CDH18: variants seen among roughly 807,000 people sequenced by gnomAD.
The protein encoded by CDH18 is cadherin-18.
In CDH18, 31 loss-of-function variants were observed where a neutral mutation model predicts 67.9. That is an observed-to-expected ratio of 0.46 (90% confidence interval 0.34 to 0.62). The LOEUF (loss-of-function observed/expected upper bound fraction) is 0.62, where lower values mean the gene tolerates loss of function less well. Ranked by LOEUF, CDH18 falls within the 20% of genes least tolerant of loss-of-function variation. CDH18 has a pLI of 0.01. For missense variants in CDH18, 890 were observed against 975.5 expected (o/e 0.91, Z 1.17); for synonymous variants, 362 against 347.2 (o/e 1.04, Z -0.48).
chr5:20,284,828 T>C (rs1580666358), intron 1 of CDH18, among the ~76,000 whole-genome samples: 1 of 151,890 alleles, frequency 6.6e-6, no homozygotes, highest in South Asian at 2.1e-4. Context: ...AATCAAGTTG[T>C]ATTTGGGACC....
At chr5:20,413,362 C>T (rs932497917) in intron 1 of CDH18, among the ~76,000 whole-genome samples, 1 of 152,124 alleles carries the variant, frequency 6.6e-6, no homozygotes, top group African/African-American at 2.4e-5. Flanking sequence ...GTATTTCTAG[C>T]TGTAGATCCT....
At chr5:19,562,508 T>C (rs762324326) in intron 8 of CDH18, among the ~76,000 whole-genome samples, 2 of 152,160 alleles carry the variant, frequency 1.3e-5, no homozygotes, top group Non-Finnish European at 2.9e-5. Context: ...TATTTACCAA[T>C]AAATTCACCT....
At chr5:19,655,955 G>A (rs1017031101) in intron 5 of CDH18, among the ~76,000 whole-genome samples, 2 of 150,296 alleles carry the variant, frequency 1.3e-5, no homozygotes, top group African/African-American at 4.9e-5. Context: ...GAGGAAGCAC[G>A]AGAGAAGAGA....
Position 19,593,707 on chromosome 5 carries a change from C to CCTCCTCCTCCTTCTTCTTCCTCTTCTT in CDH18, c.812-2464_812-2463insAAGAAGAGGAAGAAGAAGGAGGAGGAG. On this transcript the variant is annotated intron_variant, in intron 6 of 12. Coordinates refer to ENST00000382275, the MANE Select transcript of CDH18 (RefSeq NM_004934.5). ...TCCTTCTCTTCCTCTTCCTCCTCCT[C>CCTCCTCCTCCTTCTTCTTCCTCTTCTT]CTTCTTCTTCTTCTTCTTCTTCTTC... Among the ~76,000 whole-genome samples the CCTCCTCCTCCTTCTTCTTCCTCTTCTT allele has an allele frequency of 5.4e-4, 18 of 33,402 alleles. 1 individual carries two copies. The highest frequency in any genetic ancestry group is 2.1e-3 in the African/African-American group (18 of 8,622). 21.9% of individuals were successfully genotyped at this position (33,402 alleles called of 152,430 possible). A position where few individuals can be genotyped will look rare whatever the true frequency, so the allele number is the denominator to read the frequency against.
At chr5:20,286,087 A>T (rs1352062806) in intron 1 of CDH18, among the ~76,000 whole-genome samples, 1 of 151,596 alleles carries the variant, frequency 6.6e-6, no homozygotes, top group African/African-American at 2.4e-5. Flanking sequence ...TGCTACGGAG[A>T]GAACAAATAG....
chr5:19,580,103 C>T (rs1013514400), intron 7 of CDH18, among the ~76,000 whole-genome samples: 3 of 151,570 alleles, frequency 2.0e-5, no homozygotes, highest in East Asian at 1.9e-4. Context: ...ATGCATACAA[C>T]GTGTAATAAT....
At chr5:19,748,338 A>G (rs986598775) in intron 3 of CDH18, among the ~76,000 whole-genome samples, 39 of 152,154 alleles carry the variant, frequency 2.6e-4, no homozygotes, top group African/African-American at 9.4e-4. Flanking sequence ...AAATTACAGA[A>G]GAGGTATTCA....
intron 2 of CDH18, among the ~76,000 whole-genome samples, chr5:20,080,007 A>G (rs1744311489): frequency 6.6e-6 from 1 of 152,166 alleles, no homozygotes. Flanking sequence ...CACATTTCAA[A>G]GAACTCACCT....
chr5:19,532,580 T>C lies in CDH18; in HGVS notation c.1390+11289A>G, dbSNP rs914675035. 3.3e-5 allele frequency among the ~76,000 whole-genome samples: 5 copies of C among 152,136 alleles called. No homozygotes were observed. The South Asian group carries it at 1.0e-3, about 32-fold the overall frequency. Reference sequence around the variant, plus strand: ...AAGTATTTGATTTGACTTAGTAGTATGTAGTATCACTTATGTTTTAAAAGG... The same window carrying C: ...AAGTATTTGATTTGACTTAGTAGTACGTAGTATCACTTATGTTTTAAAAGG... On this transcript the variant is annotated intron_variant, in intron 9 of 12. Coordinates refer to ENST00000382275, the MANE Select transcript of CDH18 (RefSeq NM_004934.5).
intron 1 of CDH18, among the ~76,000 whole-genome samples, chr5:20,348,571 C>A (rs997157811): frequency 6.6e-6 from 1 of 152,152 alleles, no homozygotes; most frequent in Non-Finnish European, 1.5e-5. Context: ...AAGACAGAAA[C>A]GTTGATCAAG....
chr5:20,020,013 T>G (rs539422428), intron 2 of CDH18, among the ~76,000 whole-genome samples: 2 of 152,288 alleles, frequency 1.3e-5, no homozygotes, highest in Admixed American at 1.3e-4. Flanking sequence ...CCAGAGTAAA[T>G]ATCACTCTTG....
intron 1 of CDH18, among the ~76,000 whole-genome samples, chr5:20,348,054 C>A (rs1270060816): frequency 6.6e-6 from 1 of 152,164 alleles, no homozygotes; most frequent in Non-Finnish European, 1.5e-5. Flanking sequence ...CAGACTGCAA[C>A]ACTCTCAACT....
intron 1 of CDH18, among the ~76,000 whole-genome samples, chr5:20,495,150 C>T (rs1397589836): frequency 1.3e-5 from 2 of 151,818 alleles, no homozygotes; most frequent in Admixed American, 6.6e-5. Flanking sequence ...TTTTCTCTAC[C>T]GTATGAATAT....
chr5:19,629,321 T>A (rs564208063), intron 5 of CDH18, among the ~76,000 whole-genome samples: 153 of 152,254 alleles, frequency 1.0e-3, no homozygotes, highest in African/African-American at 3.3e-3. Context: ...TTTCATGTGC[T>A]TAAGAGAGGT....
intron 2 of CDH18, among the ~76,000 whole-genome samples, chr5:20,172,220 A>ATG (rs1736843815): frequency 1.3e-5 from 1 of 79,484 alleles, no homozygotes; most frequent in Non-Finnish European, 2.4e-5. Context: ...ATATATATAT[A>ATG]TATGTATATA....
At position 19,867,833 on chromosome 5, in the gene CDH18, A is replaced by T. The variant is rs1003994950; in HGVS notation, c.-256-28591T>A. 2.6e-5 allele frequency among the ~76,000 whole-genome samples: 4 copies of T among 152,162 alleles called. No homozygotes were observed. In the East Asian group the frequency reaches 7.7e-4, roughly 29 times the overall value. Reference sequence around the variant, plus strand: ...TTGGCTGTTTGCCCACCCAAATCACATCTTGAGTTGTAGTTCCCATAATCC... The same window carrying T: ...TTGGCTGTTTGCCCACCCAAATCACTTCTTGAGTTGTAGTTCCCATAATCC... On this transcript the variant is annotated intron_variant, in intron 2 of 12. Transcript: ENST00000382275.
rs542080369 is a variant in CDH18 at position 20,029,014 on chromosome 5, C to T, written c.-517-37000G>A. ...AAAGTTTCCATTTTCCTGTTATATC[C>T]TTTGAAAAAATAATCTTTTGGATCC... On this transcript the variant is annotated intron_variant, in intron 2 of 14. Transcript: ENST00000507958. Among the ~76,000 whole-genome samples the T allele has an allele frequency of 1.1e-4, 16 of 152,118 alleles. No homozygotes were observed. In the South Asian group the frequency reaches 2.7e-3, roughly 26 times the overall value.
intron 2 of CDH18, among the ~76,000 whole-genome samples, chr5:19,998,866 C>T (rs1299250090): frequency 6.6e-6 from 1 of 151,920 alleles, no homozygotes; most frequent in African/African-American, 2.4e-5. Context: ...ATTTGTAACA[C>T]TGGAATTGGC....
intron 2 of CDH18, among the ~76,000 whole-genome samples, chr5:20,133,813 T>C (rs2126487430): frequency 6.6e-6 from 1 of 152,314 alleles, no homozygotes; most frequent in South Asian, 2.1e-4. Flanking sequence ...CTTAGTGTTC[T>C]CTGAGCTGCT....
Sources: gnomAD v4.1 joint callset for allele counts (sites outside exome capture counted in the v4.1 genomes callset) on GRCh38, gnomAD v4.1.1 for gene constraint, MANE v1.5 for transcripts, NCBI Gene and HGNC (gene_info 2026-07-23, HGNC 2026-07-21) for gene names.